RFX4: variants seen among roughly 807,000 people sequenced by gnomAD.
The protein encoded by RFX4 is transcription factor RFX4.
RFX4 carries 10 observed loss-of-function variants against 95.0 expected under a neutral mutation model. That is an observed-to-expected ratio of 0.11 (90% CI 0.06 to 0.18). RFX4 has a LOEUF of 0.18. RFX4 is among the 10% of genes least tolerant of loss of function. RFX4 has a pLI of 1.00. For missense variants in RFX4, 640 were observed against 922.0 expected, an observed-to-expected ratio of 0.69 and a Z score of 3.96; for synonymous variants, 321 against 340.7, an observed-to-expected ratio of 0.94 and a Z score of 0.64.
chr12:106,744,260 G>A (rs1470230807), intron 15 of RFX4, among the ~76,000 whole-genome samples: 1 of 152,172 alleles, frequency 6.6e-6, no homozygotes, highest in Admixed American at 6.5e-5. Flanking sequence ...TCTTTTGGGG[G>A]AAGAATATGG....
At chr12:106,702,328 G>C (rs1371200806) in intron 8 of RFX4, among the ~76,000 whole-genome samples, 1 of 152,150 alleles carries the variant, frequency 6.6e-6, no homozygotes, top group African/African-American at 2.4e-5. Flanking sequence ...CTTCCCCTGG[G>C]CTCTGAATAT....
intron 17 of RFX4, among the ~76,000 whole-genome samples, chr12:106,751,080 T>TCC (rs1470910387): frequency 8.1e-6 from 1 of 123,610 alleles, no homozygotes; most frequent in Non-Finnish European, 1.7e-5. Flanking sequence ...ATGCTATCCC[T>TCC]CCCCCCTCCC....
At chr12:106,692,187 T>C (rs960441256) in intron 7 of RFX4, among the ~76,000 whole-genome samples, 10 of 151,292 alleles carry the variant, frequency 6.6e-5, no homozygotes, top group African/African-American at 2.4e-4. Flanking sequence ...AATCTGCATG[T>C]AGGGGACTCG....
At chr12:106,733,204 C>A in intron 15 of RFX4, 119 bp downstream of exon 15, 1 of 1,122,626 alleles carries the variant, frequency 8.9e-7, no homozygotes, top group Non-Finnish European at 1.3e-6. Flanking sequence ...GACATCTTGG[C>A]TCACACCTGT....
At chr12:106,732,381 C>T (rs1414105687) in intron 14 of RFX4, 132 bp downstream of exon 14, 1 of 1,276,278 alleles carries the variant, frequency 7.8e-7, no homozygotes, top group African/African-American at 1.5e-5. Context: ...TGGTATCAAA[C>T]CAATCATGTC....
intron 13 of RFX4, among the ~76,000 whole-genome samples, chr12:106,723,339 C>T (rs893052132): frequency 6.6e-6 from 1 of 152,118 alleles, no homozygotes; most frequent in Non-Finnish European, 1.5e-5. Flanking sequence ...TAAAAAACAC[C>T]ATCTTTTTAG....
At chr12:106,587,711 A>C (rs1289484767) in intron 1 of RFX4, among the ~76,000 whole-genome samples, 1 of 152,170 alleles carries the variant, frequency 6.6e-6, no homozygotes, top group Non-Finnish European at 1.5e-5. Flanking sequence ...CACCAACGTG[A>C]AAGGTTCTGG....
chr12:106,691,393 C>G (rs1922438), intron 7 of RFX4, among the ~76,000 whole-genome samples: 60,527 of 152,096 alleles, frequency 0.4, 12,432 homozygotes, highest in African/African-American at 0.5. Context: ...TTCGTCACCT[C>G]ACACCCTTAG....
chr12:106,702,864 A>G (rs1379730747), intron 8 of RFX4, among the ~76,000 whole-genome samples: 1 of 152,206 alleles, frequency 6.6e-6, no homozygotes, highest in Non-Finnish European at 1.5e-5. Context: ...CTTTTTCCAC[A>G]GCAACAGCTG....
intron 4 of RFX4, chr12:106,680,694 GGGAA>G (rs1368100625): frequency 6.6e-6 from 1 of 152,206 alleles, no homozygotes; most frequent in African/African-American, 2.4e-5. Context: ...TGTACCAGGA[GGGAA>G]GGGAGTCTTG....
chr12:106,599,845 A>G (rs530640439), intron 1 of RFX4, among the ~76,000 whole-genome samples: 1 of 152,134 alleles, frequency 6.6e-6, no homozygotes, highest in East Asian at 1.9e-4. Context: ...TCCTGGCAAA[A>G]TTATTAATAA....
chr12:106,761,609 A>T lies in RFX4; in HGVS notation c.*140A>T. 6.0e-6 allele frequency: 3 copies of T among 500,490 alleles called. No homozygotes were observed. Among genetic ancestry groups the T allele is most frequent in the Non-Finnish European group, 8.6e-6 (3 of 347,630 alleles). 31.0% of individuals were successfully genotyped at this position (500,490 alleles called of 1,614,324 possible). ...TCCTAAGTGCCCATTTTCCTAATGA[A>T]CATGAGGATGGGATCAATGTGGGAT... On this transcript the variant is annotated 3_prime_UTR_variant, in exon 18 of 18. Transcript: ENST00000392842.
In RFX4 at chr12:106,718,429, G is replaced by C. The variant is rs185218207; in HGVS notation, c.1139-1531G>C. 5.3e-5 allele frequency among the ~76,000 whole-genome samples: 8 copies of C among 152,344 alleles called. No individual in the cohort carries two copies. The East Asian group carries it at 1.5e-3, about 29-fold the overall frequency. On this transcript the variant is annotated intron_variant, in intron 11 of 17. Coordinates refer to ENST00000392842, the MANE Select transcript of RFX4 (RefSeq NM_213594.3). ...CTTGTCTCCGCAATTCACTAGCTGT[G>C]AAAGAACAACCTTTGGAAAGTTACT...
At chr12:106,725,350 G>A (rs2042473947) in intron 13 of RFX4, among the ~76,000 whole-genome samples, 1 of 151,862 alleles carries the variant, frequency 6.6e-6, no homozygotes, top group Admixed American at 6.6e-5. Context: ...AAGAATTTAG[G>A]GACCCTGTTT....
chr12:106,604,142 A>C (rs1315032101), intron 1 of RFX4, among the ~76,000 whole-genome samples: 1 of 134,800 alleles, frequency 7.4e-6, no homozygotes, highest in Admixed American at 7.6e-5. Context: ...TTTTTTGAGA[A>C]TGGAGTCTCA....
intron 1 of RFX4, chr12:106,601,461 G>A: frequency 8.9e-7 from 1 of 1,123,946 alleles, no homozygotes; most frequent in Non-Finnish European, 1.3e-6. Context: ...CTTTTATGTA[G>A]CGTTTCTGGA....
intron 2 of RFX4, among the ~76,000 whole-genome samples, chr12:106,619,224 T>A (rs2137231248): frequency 6.6e-6 from 1 of 152,316 alleles, no homozygotes; most frequent in Admixed American, 6.5e-5. Context: ...CTGGAATCAT[T>A]TTTTCTTTAA....
intron 16 of RFX4, 89 bp from the exon 17 acceptor site, chr12:106,750,566 A>G (rs1297467183): frequency 2.4e-6 from 3 of 1,248,708 alleles, no homozygotes; most frequent in Non-Finnish European, 3.2e-6. Context: ...AAGAAAAAGG[A>G]AAAAAAATAG....
chr12:106,646,173 G>A (rs1377604055), intron 3 of RFX4, among the ~76,000 whole-genome samples: 1 of 152,068 alleles, frequency 6.6e-6, no homozygotes, highest in East Asian at 1.9e-4. Flanking sequence ...GGTGTGTAAG[G>A]GGGCACATAC....
Sources: gnomAD v4.1 joint callset for allele counts (sites outside exome capture counted in the v4.1 genomes callset) on GRCh38, gnomAD v4.1.1 for gene constraint, MANE v1.5 for transcripts, NCBI Gene and HGNC (gene_info 2026-07-23, HGNC 2026-07-21) for gene names.